Variants in TMOD1 observed in about 807,000 individuals in gnomAD.
The protein encoded by TMOD1 is tropomodulin 1.
Under a neutral mutation model 40.6 loss-of-function variants are expected in TMOD1, and 17 were observed. The observed-to-expected ratio is 0.42, with a 90% CI of 0.29 to 0.63. TMOD1 has a LOEUF of 0.63. Ranked by LOEUF, TMOD1 falls within the 20% of genes least tolerant of loss-of-function variation. The pLI is 0.22. For synonymous variants in TMOD1, 181 were observed against 175.0 expected (o/e 1.03, Z -0.27); for missense variants, 391 against 447.6 (o/e 0.87, Z 1.14).
At chr9:97,549,424 C>A (rs1332302438) in intron 3 of TMOD1, among the ~76,000 whole-genome samples, 3 of 152,248 alleles carry the variant, frequency 2.0e-5, no homozygotes, top group East Asian at 1.9e-4. Flanking sequence ...ACTGGAGGAA[C>A]CTGTTATGGG....
chr9:97,571,744 G>A (rs1830821264), intron 8 of TMOD1, among the ~76,000 whole-genome samples: 1 of 152,258 alleles, frequency 6.6e-6, no homozygotes, highest in African/African-American at 2.4e-5. Flanking sequence ...CAGAGTCCAT[G>A]TATAATGCTA....
At chr9:97,515,022 C>T (rs773582664) in intron 1 of TMOD1, among the ~76,000 whole-genome samples, 1 of 151,992 alleles carries the variant, frequency 6.6e-6, no homozygotes, top group African/African-American at 2.4e-5. Context: ...ATGTGGATCA[C>T]GGTATTAATA....
intron 2 of TMOD1, among the ~76,000 whole-genome samples, chr9:97,534,783 G>A (rs987611087): frequency 6.6e-6 from 1 of 152,218 alleles, no homozygotes; most frequent in South Asian, 2.1e-4. Flanking sequence ...AGTAAGATGA[G>A]CATTATTCAA....
chr9:97,577,192 C>T (rs949615254), intron 8 of TMOD1, among the ~76,000 whole-genome samples: 2 of 152,202 alleles, frequency 1.3e-5, no homozygotes, highest in South Asian at 2.1e-4. Flanking sequence ...GTCTCTCCCC[C>T]TTTACACACT....
chr9:97,553,559 C>A (rs75621718), intron 4 of TMOD1, among the ~76,000 whole-genome samples, 159 bp downstream of exon 4: 1 of 152,124 alleles, frequency 6.6e-6, no homozygotes, highest in Non-Finnish European at 1.5e-5. Flanking sequence ...TTCTCAAAAA[C>A]CAAAACAAGG....
chr9:97,599,537 C>A, intron 9 of TMOD1, 97 bp from the exon 10 acceptor site: 1 of 1,494,136 alleles, frequency 6.7e-7, no homozygotes, highest in South Asian at 1.2e-5. Flanking sequence ...GTTAACAAAC[C>A]AATTAGTGCG....
At chr9:97,507,205 C>T (rs1829604256) in intron 1 of TMOD1, among the ~76,000 whole-genome samples, 1 of 152,146 alleles carries the variant, frequency 6.6e-6, no homozygotes, top group Admixed American at 6.6e-5. Context: ...AAGATGGGTG[C>T]CTGGGCAGTG....
intron 1 of TMOD1, among the ~76,000 whole-genome samples, chr9:97,504,937 T>C (rs1829569613): frequency 6.6e-6 from 1 of 152,178 alleles, no homozygotes; most frequent in African/African-American, 2.4e-5. Context: ...TAGGAGCCAT[T>C]ATCAGTTTAA....
chr9:97,601,299 G>A lies in TMOD1; in HGVS notation c.*1601G>A. ...TGGAACCTGTGTGACAGGGACATGT[G>A]CCTGGCACACTGGCCAGAAGACTGG... On this transcript the variant is annotated 3_prime_UTR_variant, in exon 10 of 10. Coordinates refer to ENST00000259365, the MANE Select transcript of TMOD1 (RefSeq NM_003275.4). 1 of 1,177,318 alleles carries A rather than the reference G, an allele frequency of 8.5e-7. No individual in the cohort carries two copies. The highest frequency in any genetic ancestry group is 1.1e-6 in the Non-Finnish European group (1 of 930,014). The allele number at this position is 1,177,318 out of a possible 1,614,324, so 72.9% of individuals were successfully genotyped here. A position where few individuals can be genotyped will look rare whatever the true frequency, so the allele number is the denominator to read the frequency against.
intron 2 of TMOD1, among the ~76,000 whole-genome samples, chr9:97,545,966 G>A (rs560922666): frequency 3.8e-4 from 58 of 152,248 alleles, no homozygotes; most frequent in African/African-American, 1.3e-3. Flanking sequence ...GCCTCTCTCT[G>A]CCCCTTGTCT....
chr9:97,505,438 G>T (rs1335132964), intron 1 of TMOD1, among the ~76,000 whole-genome samples: 3 of 152,166 alleles, frequency 2.0e-5, no homozygotes, highest in Admixed American at 6.5e-5. Context: ...CGATGATTCT[G>T]GAGGGTGATG....
chr9:97,574,975 A>T (rs890839152), intron 8 of TMOD1, among the ~76,000 whole-genome samples: 2 of 152,154 alleles, frequency 1.3e-5, no homozygotes, highest in African/African-American at 4.8e-5. Flanking sequence ...TGTAAAATGG[A>T]CCAATCAGCA....
intron 9 of TMOD1, among the ~76,000 whole-genome samples, chr9:97,592,348 G>A (rs1171024917): frequency 1.3e-5 from 2 of 151,710 alleles, no homozygotes; most frequent in Admixed American, 1.3e-4. Flanking sequence ...TGAGCCCTGA[G>A]TTTCCTAGAA....
Position 97,546,319 on chromosome 9 carries a change from C to T in TMOD1, c.255C>T (p.Val85=), listed in dbSNP as rs1054093164. ...AKEFKDREDL[V]PYTGEKRGKV... is the part of the protein sequence containing the mutation. ...AGTTTAAGGACCGAGAAGATCTGGT[C>T]CCCTACACAGGGGAAAAACGAGGTA... The change falls in exon 3 of 10, where the codon GTC becomes GTT. Residue 85 remains valine (V), a synonymous_variant. Coordinates refer to ENST00000259365, the MANE Select transcript of TMOD1 (RefSeq NM_003275.4). 6.2e-7 allele frequency: 1 copy of T among 1,613,816 alleles called. No individual in the cohort carries two copies. The highest frequency in any genetic ancestry group is 8.5e-7 in the Non-Finnish European group (1 of 1,179,922).
At chr9:97,540,165 G>A (rs1830256570) in intron 2 of TMOD1, among the ~76,000 whole-genome samples, 1 of 152,136 alleles carries the variant, frequency 6.6e-6, no homozygotes, top group African/African-American at 2.4e-5. Context: ...CTTCCCAGCT[G>A]TATTAACCTG....
Position 97,600,578 on chromosome 9 carries a change from A to C in TMOD1, c.*880A>C. 1.0e-6 allele frequency: 1 copy of C among 986,272 alleles called. No homozygotes were observed. 61.1% of individuals were successfully genotyped at this position (986,272 alleles called of 1,614,324 possible). ...TGTGAGGTAAGACACTAGAGGGATA[A>C]ATTTCCAGATCAACATGGCTATGGT... On this transcript the variant is annotated 3_prime_UTR_variant, in exon 10 of 10. Coordinates refer to ENST00000259365, the MANE Select transcript of TMOD1 (RefSeq NM_003275.4).
At position 97,599,674 on chromosome 9, in the gene TMOD1, T is replaced by G. The variant is rs913817943; in HGVS notation, c.1056T>G (p.Ile352Met). The stretch of plus-strand genomic sequence containing the variant: ...TTGCGGACCTGACTGGGCCCATCAT[T>G]CCCAAGTGCCGGAGTGGTGTCTAGT... ...RRLADLTGPI[I>M]PKCRSGV The change falls in exon 10 of 10, where the codon ATT becomes ATG. Residue 352 changes from isoleucine (I) to methionine (M), a missense_variant. Coordinates refer to ENST00000259365, the MANE Select transcript of TMOD1 (RefSeq NM_003275.4). The G allele has an allele frequency of 1.2e-6, 2 of 1,614,192 alleles. No individual in the cohort carries two copies. Among genetic ancestry groups the G allele is most frequent in the Non-Finnish European group, 1.7e-6 (2 of 1,180,030 alleles).
rs545474665 is a variant in TMOD1 at position 97,567,789 on chromosome 9, C to T, written c.727-1105C>T. On this transcript the variant is annotated intron_variant, in intron 7 of 9. Transcript: ENST00000259365. ...GAAGTGAAGGGCACTGAGGAGGGGG[C>T]GATGATTTCAAAACAGAGGGCTTCC... Among the ~76,000 whole-genome samples, 879 of 152,030 alleles carry T rather than the reference C, an allele frequency of 5.8e-3. 6 individuals are homozygous for T. Among genetic ancestry groups the T allele is most frequent in the African/African-American group, 0.02 (836 of 41,430 alleles).
At chr9:97,586,893 G>A (rs552220415) in intron 8 of TMOD1, among the ~76,000 whole-genome samples, 2 of 152,268 alleles carry the variant, frequency 1.3e-5, no homozygotes, top group African/African-American at 2.4e-5. Flanking sequence ...CCACTGACCC[G>A]CGCCCACTGT....
Sources: allele counts gnomAD v4.1 joint callset (sites outside exome capture counted in the v4.1 genomes callset), GRCh38; gene constraint gnomAD v4.1.1; transcripts MANE v1.5; gene names NCBI Gene and HGNC (gene_info 2026-07-23, HGNC 2026-07-21).